C2orf69: variants seen among roughly 807,000 people sequenced by gnomAD.
The protein encoded by C2orf69 is chromosome 2 open reading frame 69.
C2orf69 carries 19 observed loss-of-function variants against 29.5 expected under a neutral mutation model. The ratio of observed to expected loss-of-function variants is 0.65; its 90% CI spans 0.45 to 0.95. The LOEUF (loss-of-function observed/expected upper bound fraction) is 0.95. Ranked by LOEUF, C2orf69 falls within the 40% of genes least tolerant of loss-of-function variation. C2orf69 has a pLI of 0.00. For synonymous variants in C2orf69, 194 were observed against 180.0 expected (o/e 1.08, Z -0.62); for missense variants, 416 against 482.1 (o/e 0.86, Z 1.28).
intron 1 of C2orf69, among the ~76,000 whole-genome samples, chr2:199,922,856 TC>T (rs923527046): frequency 2.1e-4 from 32 of 152,352 alleles, no homozygotes; most frequent in African/African-American, 7.2e-4. Context: ...AGTAATATTT[TC>T]AAAGCATATA....
At chr2:199,919,235 G>A (rs536316126) in intron 1 of C2orf69, among the ~76,000 whole-genome samples, 3 of 152,350 alleles carry the variant, frequency 2.0e-5, no homozygotes, top group East Asian at 3.9e-4. Flanking sequence ...GATTGCAGGC[G>A]TGAGCCACTG....
chr2:199,920,084 C>T (rs2077310152), intron 1 of C2orf69, among the ~76,000 whole-genome samples: 1 of 152,148 alleles, frequency 6.6e-6, no homozygotes, highest in Non-Finnish European at 1.5e-5. Context: ...CCCCTTACCT[C>T]TTATGGGGAT....
At chr2:199,921,870 A>G (rs1269716307) in intron 1 of C2orf69, among the ~76,000 whole-genome samples, 1 of 151,582 alleles carries the variant, frequency 6.6e-6, no homozygotes, top group African/African-American at 2.4e-5. Context: ...ACCTTTGTAT[A>G]TAGAATTTTT....
In C2orf69 at chr2:199,927,458, T is replaced by C. The variant is rs1032098533; in HGVS notation, c.*1572T>C. 1 of 152,010 alleles carries C rather than the reference T, an allele frequency of 6.6e-6. No individual in the cohort carries two copies. The highest frequency in any genetic ancestry group is 1.5e-5 in the Non-Finnish European group (1 of 67,932). The allele number at this position is 152,010 out of a possible 1,614,324, so 9.4% of individuals were successfully genotyped here. A position where few individuals can be genotyped will look rare whatever the true frequency, so the allele number is the denominator to read the frequency against. On this transcript the variant is annotated 3_prime_UTR_variant, in exon 2 of 2. Transcript: ENST00000319974. ...TGACTCCATAAATACATTCCAAATATTCAGAGATTCATGAGAAAGGATTCT... is the reference window on the plus strand; with the variant it reads ...TGACTCCATAAATACATTCCAAATACTCAGAGATTCATGAGAAAGGATTCT...
intron 1 of C2orf69, among the ~76,000 whole-genome samples, chr2:199,913,120 C>CAAGT (rs199520438): frequency 8.4e-6 from 1 of 119,098 alleles, no homozygotes; most frequent in Non-Finnish European, 1.7e-5. Context: ...GTCAACTAAA[C>CAAGT]CAGTTATTTT....
intron 1 of C2orf69, among the ~76,000 whole-genome samples, chr2:199,917,320 G>A (rs905136562): frequency 6.6e-6 from 1 of 152,180 alleles, no homozygotes; most frequent in Non-Finnish European, 1.5e-5. Context: ...CCATTATCTT[G>A]GTGATGAACA....
intron 1 of C2orf69, among the ~76,000 whole-genome samples, chr2:199,920,132 CTT>C (rs1399783446): frequency 6.6e-6 from 1 of 152,152 alleles, no homozygotes; most frequent in Non-Finnish European, 1.5e-5. Flanking sequence ...TGAAAACTCT[CTT>C]GAAAGAAATC....
chr2:199,912,833 G>T (rs1020773778), intron 1 of C2orf69, among the ~76,000 whole-genome samples: 1 of 151,938 alleles, frequency 6.6e-6, no homozygotes, highest in African/African-American at 2.4e-5. Flanking sequence ...TAGAGATGGG[G>T]TTCCACCATG....
At chr2:199,912,937 G>C (rs368159661) in intron 1 of C2orf69, among the ~76,000 whole-genome samples, 4 of 151,114 alleles carry the variant, frequency 2.6e-5, no homozygotes, top group African/African-American at 4.9e-5. Context: ...CACCGCGCCC[G>C]GCCTACATGT....
chr2:199,911,367 C>T lies in C2orf69; in HGVS notation c.-72C>T. 7.3e-7 allele frequency: 1 copy of T among 1,376,510 alleles called. No individual in the cohort carries two copies. 85.3% of individuals were successfully genotyped at this position (1,376,510 alleles called of 1,614,324 possible). On this transcript the variant is annotated 5_prime_UTR_variant, in exon 1 of 2. Transcript: ENST00000319974. ...GACCGTTGAGCCGCCGGCTGAGCCGCCTGCTGAAGTCCCTCCCTCAGGAAC... is the reference window on the plus strand; with the variant it reads ...GACCGTTGAGCCGCCGGCTGAGCCGTCTGCTGAAGTCCCTCCCTCAGGAAC...
rs200237620 is a variant in C2orf69 at position 199,925,026 on chromosome 2, G to A, written c.334-36G>A. ...TGTGGAAATCATTTTATGTAAATAT[G>A]TATTTAATACTTATTTCATCTTTCT... On this transcript the variant is annotated intron_variant, in intron 1 of 1. Coordinates refer to ENST00000319974, the MANE Select transcript of C2orf69 (RefSeq NM_153689.6). This position sits in a 1 kb window ranked among gnomAD's most constrained non-coding sequence, Gnocchi z 4.9. 5.2e-4 allele frequency: 633 copies of A among 1,214,414 alleles called. 2 individuals carry two copies. The Middle Eastern group carries it at 6.0e-3, about 12-fold the overall frequency. 75.2% of individuals were successfully genotyped at this position (1,214,414 alleles called of 1,614,324 possible).
At chr2:199,912,483 C>G (rs1364642045) in intron 1 of C2orf69, among the ~76,000 whole-genome samples, 2 of 152,056 alleles carry the variant, frequency 1.3e-5, no homozygotes, top group African/African-American at 4.8e-5. Context: ...AACTAAAAAT[C>G]CAGTTATTCA....
intron 1 of C2orf69, among the ~76,000 whole-genome samples, chr2:199,921,000 A>C (rs1241544511): frequency 1.2e-5 from 1 of 85,604 alleles, no homozygotes; most frequent in Non-Finnish European, 2.2e-5. Flanking sequence ...TCTAGGAATT[A>C]GTTTTTTTTT....
chr2:199,916,724 C>T (rs1251483440), intron 1 of C2orf69, among the ~76,000 whole-genome samples: 2 of 152,220 alleles, frequency 1.3e-5, no homozygotes, highest in Non-Finnish European at 2.9e-5. Flanking sequence ...CCTTTAACTC[C>T]ATGTCTCATA....
At chr2:199,913,257 A>ATATATTATATAT (rs1559292228) in intron 1 of C2orf69, among the ~76,000 whole-genome samples, 1 of 91,730 alleles carries the variant, frequency 1.1e-5, no homozygotes, top group African/African-American at 4.7e-5. Flanking sequence ...ATATTATATA[A>ATATATTATATAT]AATATATTCT....
At chr2:199,922,169 C>T (rs1405690682) in intron 1 of C2orf69, among the ~76,000 whole-genome samples, 1 of 151,312 alleles carries the variant, frequency 6.6e-6, no homozygotes, top group African/African-American at 2.4e-5. Flanking sequence ...AATCTCAGCT[C>T]ACAGCAACCT....
At chr2:199,915,906 C>G (rs1191505996) in intron 1 of C2orf69, among the ~76,000 whole-genome samples, 1 of 152,116 alleles carries the variant, frequency 6.6e-6, no homozygotes, top group Non-Finnish European at 1.5e-5. Context: ...CTCTTAATTC[C>G]TATTAACTTC....
chr2:199,919,508 A>G (rs556423845), intron 1 of C2orf69, among the ~76,000 whole-genome samples: 11 of 152,084 alleles, frequency 7.2e-5, no homozygotes, highest in Non-Finnish European at 1.5e-4. Context: ...TAGCCTGCTT[A>G]CTTCAGATGT....
chr2:199,911,677 G>C lies in C2orf69; in HGVS notation c.239G>C (p.Gly80Ala), dbSNP rs1246197651. The part of the protein sequence containing the change: ...ELLLLAAAGE[G>A]LERQDLPGDP... ...CTCCTGTTGGCGGCGGCCGGGGAGG[G>C]ACTGGAGCGGCAGGACCTCCCCGGG... Residue 80 changes from glycine (G) to alanine (A), a missense_variant, in exon 1 of 2, where the codon GGA (glycine) becomes GCA (alanine). Transcript: ENST00000319974. The C allele has an allele frequency of 5.2e-6, 8 of 1,547,662 alleles. No individual in the cohort carries two copies. The highest frequency in any genetic ancestry group is 1.4e-5 in the African/African-American group (1 of 73,168).
Sources: gnomAD v4.1 joint callset for allele counts (sites outside exome capture counted in the v4.1 genomes callset) on GRCh38, gnomAD v4.1.1 for gene constraint, Gnocchi (gnomAD v3.1) non-coding constraint, MANE v1.5 for transcripts, NCBI Gene and HGNC (gene_info 2026-07-23, HGNC 2026-07-21) for gene names.